OR10G3: variants seen among roughly 807,000 people sequenced by gnomAD.
OR10G3 encodes olfactory receptor family 10 subfamily G member 3.
Under a neutral mutation model 13.4 loss-of-function variants are expected in OR10G3, and 8 were observed. That is an observed-to-expected ratio of 0.60 (90% CI 0.35 to 1.08). The LOEUF (loss-of-function observed/expected upper bound fraction) is 1.08. OR10G3 is among the 50% of genes least tolerant of loss of function. The probability of loss-of-function intolerance (pLI) is 0.02; values close to 1 mark genes in which losing one functional copy is unlikely to be tolerated. For synonymous variants in OR10G3, 142 were observed against 156.1 expected, an observed-to-expected ratio of 0.91 and a Z score of 0.67; for missense variants, 393 against 386.6, an observed-to-expected ratio of 1.02 and a Z score of -0.14.
intron 1 of OR10G3, among the ~76,000 whole-genome samples, chr14:21,575,255 G>C (rs1429403407): frequency 3.3e-5 from 5 of 151,850 alleles, no homozygotes; most frequent in Non-Finnish European, 1.5e-5. Flanking sequence ...CTAATTTTTT[G>C]TATTTTTAGT....
At chr14:21,575,914 C>T (rs1244560561) in intron 1 of OR10G3, among the ~76,000 whole-genome samples, 2 of 152,144 alleles carry the variant, frequency 1.3e-5, no homozygotes, top group East Asian at 1.9e-4. Flanking sequence ...AAAAGCTGAC[C>T]GCAATCCTCT....
intron 1 of OR10G3, among the ~76,000 whole-genome samples, chr14:21,577,593 A>T (rs1876773948): frequency 6.6e-6 from 1 of 152,254 alleles, no homozygotes; most frequent in African/African-American, 2.4e-5. Flanking sequence ...TTCAAAATTG[A>T]GACATAGTGG....
chr14:21,572,351 C>A (rs763719805), intron 1 of OR10G3, among the ~76,000 whole-genome samples: 8 of 128,276 alleles, frequency 6.2e-5, no homozygotes, highest in South Asian at 2.7e-4. Flanking sequence ...GTAATCCCAG[C>A]ACTTTGGGAA....
chr14:21,570,233 C>T lies in OR10G3; in HGVS notation c.512G>A (p.Gly171Glu), dbSNP rs983544766. 5 of 1,614,108 alleles carry T rather than the reference C, an allele frequency of 3.1e-6. No individual in the cohort carries two copies. The highest frequency in any genetic ancestry group is 4.2e-6 in the Non-Finnish European group (5 of 1,180,020). ...GAAGAAGTAATCCACCTGATTGGGC[C>T]CACAGTAGGGCAGGCGGAAGGTTAG... The part of the protein sequence containing the change: ...AILTFRLPYC[G>E]PNQVDYFFCD... Residue 171 changes from glycine to glutamate, a missense_variant, in exon 2 of 2, where the codon GGG becomes GAG. Gly to Glu is a moderately conservative substitution (Grantham distance 98, BLOSUM62 -2). Coordinates refer to ENST00000641040, the MANE Select transcript of OR10G3 (RefSeq NM_001005465.2).
chr14:21,573,955 A>G (rs79386214), intron 1 of OR10G3, among the ~76,000 whole-genome samples: 2,489 of 152,298 alleles, frequency 0.016, 36 homozygotes, highest in Non-Finnish European at 0.023. Flanking sequence ...AGGCTTGATG[A>G]AAATTTTTAC....
At chr14:21,578,244 C>G (rs989188226) in intron 1 of OR10G3, among the ~76,000 whole-genome samples, 1 of 151,334 alleles carries the variant, frequency 6.6e-6, no homozygotes, top group Non-Finnish European at 1.5e-5. Context: ...AACCTCGTCT[C>G]TACTAAAAAT....
chr14:21,570,431 T>C lies in OR10G3; in HGVS notation c.314A>G (p.Tyr105Cys), dbSNP rs45612332. Reference protein sequence around the residue: ...FGGCVAQLYFYHFLGSTQCFL... With the variant: ...FGGCVAQLYFCHFLGSTQCFL... Reference sequence around the variant, plus strand: ...GCACTGGGTGCTGCCCAGGAAGTGATAGAAATAGAGTTGAGCAACACAGCC... The same window carrying C: ...GCACTGGGTGCTGCCCAGGAAGTGACAGAAATAGAGTTGAGCAACACAGCC... The change falls in exon 2 of 2, where the codon TAT (tyrosine) becomes TGT (cysteine). Residue 105 changes from tyrosine to cysteine, a missense_variant. Transcript: ENST00000641040. 0.048 allele frequency: 76,953 copies of C among 1,613,200 alleles called. 2,133 individuals are homozygous for C. The highest frequency in any genetic ancestry group is 0.056 in the Non-Finnish European group (65,531 of 1,179,250).
chr14:21,578,054 A>G (rs1285740579), intron 1 of OR10G3, among the ~76,000 whole-genome samples: 1 of 151,962 alleles, frequency 6.6e-6, no homozygotes, highest in Non-Finnish European at 1.5e-5. Context: ...TTTCACAGAT[A>G]CTTAGTCTTT....
chr14:21,569,942 G>A lies in OR10G3; in HGVS notation c.803C>T (p.Pro268Leu). ...GACTAGGGCAGCTGCCCCATCCAGG[G>A]GGCTGTTGGTTTCAGGCCTCAGGTA... ...FIYLRPETNS[P>L]LDGAAALVPT... Residue 268 changes from proline to leucine, a missense_variant, in exon 2 of 2, where the codon CCC (proline) becomes CTC (leucine). Coordinates refer to ENST00000641040, the MANE Select transcript of OR10G3 (RefSeq NM_001005465.2). 6.2e-7 allele frequency: 1 copy of A among 1,612,712 alleles called. No individual in the cohort carries two copies. The highest frequency in any genetic ancestry group is 8.5e-7 in the Non-Finnish European group (1 of 1,179,214).
At position 21,568,531 on chromosome 14, in the gene OR10G3, A is replaced by G. The variant is rs975476751; in HGVS notation, c.*1272T>C. The G allele has an allele frequency of 6.6e-6, 1 of 152,122 alleles. No individual in the cohort carries two copies. Among genetic ancestry groups the G allele is most frequent in the African/African-American group, 2.4e-5 (1 of 41,434 alleles). The allele number at this position is 152,122 out of a possible 1,614,324, so 9.4% of individuals were successfully genotyped here. On this transcript the variant is annotated 3_prime_UTR_variant, in exon 2 of 2. Coordinates refer to ENST00000641040, the MANE Select transcript of OR10G3 (RefSeq NM_001005465.2). ...ATTTTTAAAAAATTGCTTTTTAAGA[A>G]AATTTTATTTCAATAGTTTTTGGAG...
intron 1 of OR10G3, among the ~76,000 whole-genome samples, chr14:21,575,658 C>T (rs999794412): frequency 6.6e-6 from 1 of 152,188 alleles, no homozygotes; most frequent in Non-Finnish European, 1.5e-5. Context: ...GGATTACAGG[C>T]GTGGGCCACT....
rs191585300 is a variant in OR10G3, at chr14:21,572,680, A to G, written c.-17-1919T>C. On this transcript the variant is annotated intron_variant, in intron 1 of 1. Transcript: ENST00000641040. Reference sequence around the variant, plus strand: ...AGCTTTTAAAATTCCTTCTAGTCCTATAATTTTCAGATATCTAAATTCATG... The same window carrying G: ...AGCTTTTAAAATTCCTTCTAGTCCTGTAATTTTCAGATATCTAAATTCATG... Among the ~76,000 whole-genome samples, 16 of 151,806 alleles carry G rather than the reference A, an allele frequency of 1.1e-4. No homozygotes were observed. In the East Asian group the frequency reaches 2.5e-3, roughly 24 times the overall value.
chr14:21,573,101 G>A (rs2139712169), intron 1 of OR10G3, among the ~76,000 whole-genome samples: 1 of 152,276 alleles, frequency 6.6e-6, no homozygotes, highest in East Asian at 1.9e-4. Flanking sequence ...AACGGGAAAA[G>A]TTCTACCACA....
At chr14:21,575,235 C>G (rs1157811722) in intron 1 of OR10G3, among the ~76,000 whole-genome samples, 1 of 151,990 alleles carries the variant, frequency 6.6e-6, no homozygotes, top group African/African-American at 2.4e-5. Flanking sequence ...GAGCCCGCCA[C>G]CACACCCAGC....
chr14:21,572,312 A>G (rs1398959963), intron 1 of OR10G3, among the ~76,000 whole-genome samples: 3 of 138,128 alleles, frequency 2.2e-5, no homozygotes, highest in African/African-American at 8.2e-5. Context: ...AAAAAAAAAA[A>G]AAAAGGCCAG....
chr14:21,578,848 TATATA>T (rs1876818858), intron 1 of OR10G3, among the ~76,000 whole-genome samples: 4 of 152,136 alleles, frequency 2.6e-5, no homozygotes, highest in African/African-American at 4.8e-5. Context: ...AATATATACA[TATATA>T]ATATGAGAAA....
chr14:21,575,786 G>C (rs189392483), intron 1 of OR10G3, among the ~76,000 whole-genome samples: 1 of 152,208 alleles, frequency 6.6e-6, no homozygotes, highest in East Asian at 1.9e-4. Flanking sequence ...TAAAAAAAAG[G>C]CAGTAAATCC....
At chr14:21,576,196 A>G (rs1249924321) in intron 1 of OR10G3, among the ~76,000 whole-genome samples, 1 of 152,210 alleles carries the variant, frequency 6.6e-6, no homozygotes, top group African/African-American at 2.4e-5. Context: ...AGGCTGAGGG[A>G]AATCAGTTCA....
Position 21,580,064 on chromosome 14 carries a change from A to G in OR10G3, c.-296T>C, listed in dbSNP as rs1443147179. ...TGGCTCTTACTGAAGATAACTGTTA[A>G]GGTTGGTCTCTCCTGTGTTCTACTA... On this transcript the variant is annotated 5_prime_UTR_variant, in exon 1 of 2. Transcript: ENST00000641040. 1 of 152,208 alleles carries G rather than the reference A, an allele frequency of 6.6e-6. No individual in the cohort carries two copies. Among genetic ancestry groups the G allele is most frequent in the Non-Finnish European group, 1.5e-5 (1 of 68,040 alleles). The allele number at this position is 152,208 out of a possible 1,614,324, so 9.4% of individuals were successfully genotyped here.
Sources: gnomAD v4.1 joint callset for allele counts (sites outside exome capture counted in the v4.1 genomes callset) on GRCh38, gnomAD v4.1.1 for gene constraint, MANE v1.5 for transcripts, NCBI Gene and HGNC (gene_info 2026-07-23, HGNC 2026-07-21) for gene names.